CPNE5: variants seen among roughly 807,000 people sequenced by gnomAD.
CPNE5 encodes copine 5.
A neutral mutation model predicts 81.1 loss-of-function variants in CPNE5; 42 were observed. The ratio of observed to expected loss-of-function variants is 0.52; its 90% confidence interval spans 0.40 to 0.67. The LOEUF (loss-of-function observed/expected upper bound fraction) is 0.67. Ranked by LOEUF, CPNE5 falls within the 30% of genes least tolerant of loss-of-function variation. The pLI, the probability that CPNE5 is intolerant of heterozygous loss-of-function variation, is 0.00. For synonymous variants in CPNE5, 313 were observed against 321.5 expected (o/e 0.97, Z 0.28); for missense variants, 612 against 815.5 (o/e 0.75, Z 3.04).
At chr6:36,756,529 C>T (rs144658766) in intron 12 of CPNE5, among the ~76,000 whole-genome samples, 6 of 152,250 alleles carry the variant, frequency 3.9e-5, no homozygotes, top group Non-Finnish European at 7.4e-5. Flanking sequence ...CACGATCAAC[C>T]GGGAATATTT....
intron 6 of CPNE5, among the ~76,000 whole-genome samples, chr6:36,796,746 A>G (rs1373092319): frequency 2.6e-5 from 4 of 152,282 alleles, no homozygotes; most frequent in Middle Eastern, 3.4e-3. Flanking sequence ...GTTTTCCCCC[A>G]TTCTCAATAA....
chr6:36,800,117 C>A, intron 3 of CPNE5, 47 bp from the exon 4 acceptor site: 2 of 1,437,382 alleles, frequency 1.4e-6, no homozygotes, highest in East Asian at 2.3e-5. Flanking sequence ...GCTGGTGGGG[C>A]CGGCTGGTGG....
chr6:36,791,642 A>G (rs1166699570), intron 8 of CPNE5, among the ~76,000 whole-genome samples: 3 of 152,146 alleles, frequency 2.0e-5, no homozygotes, highest in Admixed American at 2.0e-4. Flanking sequence ...GAAAAATGAC[A>G]GCTAAATGTC....
Position 36,746,653 on chromosome 6 carries a change from T to C in CPNE5, c.1019-76A>G, listed in dbSNP as rs910365610. ...CCCGGGTTCAGAATGAAGAAGGGGGTGTCCAAGGGCACCCCTAACTTTTAT... is the reference window on the plus strand; with the variant it reads ...CCCGGGTTCAGAATGAAGAAGGGGGCGTCCAAGGGCACCCCTAACTTTTAT... On this transcript the variant is annotated intron_variant, in intron 15 of 20. Transcript: ENST00000244751. The surrounding 1 kb of genome is among the most constrained non-coding windows in gnomAD (Gnocchi z 4.5). 3.7e-6 allele frequency: 5 copies of C among 1,348,696 alleles called. No individual in the cohort carries two copies. Among genetic ancestry groups the C allele is most frequent in the Non-Finnish European group, 4.1e-6 (4 of 977,552 alleles). 83.5% of individuals were successfully genotyped at this position (1,348,696 alleles called of 1,614,324 possible).
chr6:36,795,240 G>A (rs760443458), intron 6 of CPNE5, among the ~76,000 whole-genome samples: 9 of 152,090 alleles, frequency 5.9e-5, no homozygotes, highest in African/African-American at 1.4e-4. Flanking sequence ...GTGCAGTGGC[G>A]TGATCTCGGC....
intron 2 of CPNE5, 56 bp downstream of exon 2, chr6:36,823,002 A>G: frequency 7.0e-7 from 1 of 1,431,776 alleles, no homozygotes. Context: ...TGCCGCTGTA[A>G]TTAGTCATAG....
At chr6:36,822,213 G>C in intron 2 of CPNE5, 53 bp from the exon 3 acceptor site, 1 of 1,410,460 alleles carries the variant, frequency 7.1e-7, no homozygotes, top group Non-Finnish European at 9.5e-7. Context: ...GAGGAAGGAG[G>C]GGTCCCAGAT....
At position 36,755,986 on chromosome 6, in the gene CPNE5, C is replaced by G. The variant is rs954006292; in HGVS notation, c.909+259G>C. On this transcript the variant is annotated intron_variant, in intron 13 of 20. Transcript: ENST00000244751. ...AATACGACTTCTCTTCCTCTTCCTT[C>G]CTGCAGGAAGTCCCGTGGATGTCTC... The G allele has an allele frequency of 9.3e-5, 48 of 514,600 alleles. No individual in the cohort carries two copies. In the East Asian group the frequency reaches 1.6e-3, roughly 17 times the overall value. The allele number at this position is 514,600 out of a possible 1,614,324, so 31.9% of individuals were successfully genotyped here. A position where few individuals can be genotyped will look rare whatever the true frequency, so the allele number is the denominator to read the frequency against.
rs114385961 is a variant in CPNE5 at position 36,791,893 on chromosome 6, G to A, written c.528+140C>T. The A allele has an allele frequency of 1.1e-3, 850 of 750,292 alleles. 6 individuals are homozygous for A. The highest frequency in any genetic ancestry group is 0.01 in the African/African-American group (602 of 58,026). The allele number at this position is 750,292 out of a possible 1,614,324, so 46.5% of individuals were successfully genotyped here. A position where few individuals can be genotyped will look rare whatever the true frequency, so the allele number is the denominator to read the frequency against. The stretch of plus-strand genomic sequence containing the variant: ...AGGGAAAACACCCACTAGCTCTGAT[G>A]TTGCAAAATTCTATGACAGCCAGGT... On this transcript the variant is annotated intron_variant, in intron 8 of 20. Coordinates refer to ENST00000244751, the MANE Select transcript of CPNE5 (RefSeq NM_020939.2).
intron 11 of CPNE5, 71 bp downstream of exon 11, chr6:36,765,264 T>A: frequency 6.5e-7 from 1 of 1,543,928 alleles, no homozygotes; most frequent in Non-Finnish European, 8.9e-7. Context: ...CAGCTCCGCA[T>A]GGGAGGGCAG....
chr6:36,790,844 C>T (rs927764320), intron 8 of CPNE5, among the ~76,000 whole-genome samples: 3 of 151,274 alleles, frequency 2.0e-5, no homozygotes, highest in Non-Finnish European at 2.9e-5. Context: ...TGCCCGGCCC[C>T]AAAAAAAATG....
In CPNE5 at chr6:36,746,472, C is replaced by T; in HGVS notation, c.1124G>A (p.Ser375Asn). The change falls in exon 16 of 21, where the codon AGT becomes AAT. Residue 375 changes from serine to asparagine, a missense_variant. Ser to Asn is a conservative substitution (Grantham distance 46). Transcript: ENST00000244751. This position sits in a 1 kb window ranked among gnomAD's most constrained non-coding sequence, Gnocchi z 4.5. ...AVGEIIQHYD[S>N]DKMFPALGFG... Reference sequence around the variant, plus strand: ...GCCCAGGGCAGGGAACATCTTGTCACTGTCGTAGTGCTGGATGATCTCTCC... The same window carrying T: ...GCCCAGGGCAGGGAACATCTTGTCATTGTCGTAGTGCTGGATGATCTCTCC... 1 of 1,613,712 alleles carries T rather than the reference C, an allele frequency of 6.2e-7. No individual in the cohort carries two copies. Among genetic ancestry groups the T allele is most frequent in the Non-Finnish European group, 8.5e-7 (1 of 1,179,790 alleles).
chr6:36,765,464 T>G (rs1258691441), intron 10 of CPNE5, 88 bp from the exon 11 acceptor site: 1 of 1,520,368 alleles, frequency 6.6e-7, no homozygotes, highest in Non-Finnish European at 9.1e-7. Context: ...CCGGACCAGA[T>G]AGGGAGGCCA....
intron 8 of CPNE5, among the ~76,000 whole-genome samples, chr6:36,788,239 C>T (rs185075745): frequency 9.9e-5 from 15 of 151,892 alleles, no homozygotes; most frequent in Admixed American, 7.9e-4. Flanking sequence ...GGGGGGGTCT[C>T]ACTATGATGT....
Position 36,826,308 on chromosome 6 carries a change from G to A in CPNE5, c.96-3210C>T, listed in dbSNP as rs185265412. Among the ~76,000 whole-genome samples, 354 of 152,234 alleles carry A rather than the reference G, an allele frequency of 2.3e-3. 2 individuals carry two copies. Among genetic ancestry groups the A allele is most frequent in the Non-Finnish European group, 4.3e-3 (294 of 68,012 alleles). ...ATCTAGCCACCTGGCTCCTTGCCTGGTGACCTCAAGACCCTCACCGAATCC... is the reference window on the plus strand; with the variant it reads ...ATCTAGCCACCTGGCTCCTTGCCTGATGACCTCAAGACCCTCACCGAATCC... On this transcript the variant is annotated intron_variant, in intron 1 of 20. Transcript: ENST00000244751.
chr6:36,839,230 G>A lies in CPNE5; in HGVS notation c.95+53C>T. ...TTAGGATCGAAGCGGCAGGGGCCGC[G>A]GGGCTCTGCGTCCAGGGCCGGGGCA... On this transcript the variant is annotated intron_variant, in intron 1 of 20. Transcript: ENST00000244751. The surrounding 1 kb of genome is among the most constrained non-coding windows in gnomAD (Gnocchi z 7.3). 1.4e-5 allele frequency: 19 copies of A among 1,335,790 alleles called. No individual in the cohort carries two copies. Among genetic ancestry groups the A allele is most frequent in the Non-Finnish European group, 1.9e-5 (19 of 979,016 alleles). 82.7% of individuals were successfully genotyped at this position (1,335,790 alleles called of 1,614,324 possible).
chr6:36,742,942 C>A (rs1213143050), intron 20 of CPNE5: 3 of 985,322 alleles, frequency 3.0e-6, no homozygotes. Flanking sequence ...CCAGGCCCAT[C>A]TGGCTTCTTC....
Position 36,746,587 on chromosome 6 carries a change from A to G in CPNE5, c.1019-10T>C. On this transcript the variant is annotated splice_polypyrimidine_tract_variant and intron_variant, in intron 15 of 20. Coordinates refer to ENST00000244751, the MANE Select transcript of CPNE5 (RefSeq NM_020939.2). The surrounding 1 kb of genome is among the most constrained non-coding windows in gnomAD (Gnocchi z 4.5). ...GACTGTGAGGGGTTCCCTGTAACAC[A>G]GGACATGGGAGCCTTTGACCATCTG... The G allele has an allele frequency of 6.2e-7, 1 of 1,605,554 alleles. No individual in the cohort carries two copies. Among genetic ancestry groups the G allele is most frequent in the Non-Finnish European group, 8.5e-7 (1 of 1,176,778 alleles).
intron 8 of CPNE5, among the ~76,000 whole-genome samples, chr6:36,788,304 C>T (rs940229610): frequency 6.6e-5 from 10 of 152,104 alleles, no homozygotes; most frequent in African/African-American, 2.2e-4. Context: ...TGCTCAGCCT[C>T]GCAAAGTGCT....
Sources: allele counts gnomAD v4.1 joint callset (sites outside exome capture counted in the v4.1 genomes callset), GRCh38; gene constraint gnomAD v4.1.1; non-coding constraint Gnocchi (gnomAD v3.1); transcripts MANE v1.5; gene names NCBI Gene and HGNC (gene_info 2026-07-23, HGNC 2026-07-21).